Variants in DEUP1 observed in about 807,000 individuals in gnomAD.
The protein encoded by DEUP1 is deuterosome assembly protein 1, also known as coiled-coil domain containing 67.
DEUP1 carries 82 observed loss-of-function variants against 87.4 expected under a neutral mutation model. The ratio of observed to expected loss-of-function variants is 0.94; its 90% confidence interval spans 0.78 to 1.13. The LOEUF is 1.13. DEUP1 is among the 50% of genes most tolerant of loss of function. DEUP1 has a pLI of 0.00. For missense variants in DEUP1, 663 were observed against 681.5 expected (o/e 0.97, Z 0.30); for synonymous variants, 214 against 222.7 (o/e 0.96, Z 0.35).
At chr11:93,399,177 A>G (rs140920651) in intron 11 of DEUP1, among the ~76,000 whole-genome samples, 1,749 of 150,538 alleles carry the variant, frequency 0.012, 22 homozygotes, top group South Asian at 0.077. Context: ...TTCTTGTTAC[A>G]TATATATATA....
intron 2 of DEUP1, among the ~76,000 whole-genome samples, chr11:93,338,833 A>G (rs1943910435): frequency 6.6e-6 from 1 of 152,250 alleles, no homozygotes; most frequent in African/African-American, 2.4e-5. Context: ...AGTTGAATCA[A>G]GAGTTCAGAA....
chr11:93,437,218 A>G (rs1294716596), intron 13 of DEUP1, among the ~76,000 whole-genome samples: 1 of 152,252 alleles, frequency 6.6e-6, no homozygotes, highest in Non-Finnish European at 1.5e-5. Flanking sequence ...TTTTCAAATG[A>G]AAATCATTGG....
chr11:93,379,826 T>C (rs532017360), intron 7 of DEUP1, among the ~76,000 whole-genome samples: 1 of 152,292 alleles, frequency 6.6e-6, no homozygotes, highest in African/African-American at 2.4e-5. Flanking sequence ...TTTTTTCTTA[T>C]GGTATTTATA....
chr11:93,356,072 A>G (rs760901889), intron 3 of DEUP1, among the ~76,000 whole-genome samples: 4 of 119,522 alleles, frequency 3.3e-5, no homozygotes, highest in Admixed American at 8.1e-5. Flanking sequence ...TGGTGGTCAT[A>G]GAAGAATATA....
chr11:93,364,032 A>G (rs1442163073), intron 4 of DEUP1, 128 bp from the exon 5 acceptor site: 2 of 673,542 alleles, frequency 3.0e-6, no homozygotes, highest in Non-Finnish European at 5.0e-6. Flanking sequence ...TAATTGAAAC[A>G]TTTAAGCTTT....
At chr11:93,357,071 C>T in intron 4 of DEUP1, 28 bp downstream of exon 4, 1 of 1,312,242 alleles carries the variant, frequency 7.6e-7, no homozygotes, top group Admixed American at 2.5e-5. Flanking sequence ...AATTTAATAT[C>T]ACACATTTTG....
intron 2 of DEUP1, among the ~76,000 whole-genome samples, chr11:93,333,152 C>G (rs1943574773): frequency 6.6e-6 from 1 of 152,186 alleles, no homozygotes; most frequent in African/African-American, 2.4e-5. Flanking sequence ...CATTTTACAA[C>G]TAAGAAAAGT....
intron 4 of DEUP1, among the ~76,000 whole-genome samples, chr11:93,360,901 T>A (rs1302794203): frequency 2.5e-5 from 1 of 40,552 alleles, no homozygotes; most frequent in Non-Finnish European, 4.3e-5. Context: ...GTTACAAAAC[T>A]TAGCAAAAAA....
chr11:93,378,408 A>G (rs1291488062), intron 7 of DEUP1, among the ~76,000 whole-genome samples: 1 of 151,776 alleles, frequency 6.6e-6, no homozygotes, highest in Non-Finnish European at 1.5e-5. Context: ...GAGACTTTCC[A>G]GTGTATTTTT....
intron 13 of DEUP1, among the ~76,000 whole-genome samples, chr11:93,431,327 T>A (rs1319990207): frequency 6.6e-6 from 1 of 152,008 alleles, no homozygotes; most frequent in Non-Finnish European, 1.5e-5. Context: ...AAGGGAACTA[T>A]AAGGCAGGAA....
At chr11:93,403,216 A>G (rs1354442988) in intron 11 of DEUP1, among the ~76,000 whole-genome samples, 1 of 151,954 alleles carries the variant, frequency 6.6e-6, no homozygotes, top group East Asian at 1.9e-4. Context: ...TTAAGGTTAT[A>G]CTATATTTAT....
chr11:93,427,144 C>T (rs1169508607), intron 13 of DEUP1, among the ~76,000 whole-genome samples: 1 of 149,530 alleles, frequency 6.7e-6, no homozygotes, highest in Admixed American at 6.7e-5. Context: ...CATATGGAAC[C>T]AAAAAAGAGC....
At chr11:93,365,863 G>A (rs1010481935) in intron 5 of DEUP1, among the ~76,000 whole-genome samples, 6 of 152,174 alleles carry the variant, frequency 3.9e-5, no homozygotes, top group Non-Finnish European at 8.8e-5. Flanking sequence ...TTAGTCTGCA[G>A]GTAAACCTGT....
At chr11:93,370,044 A>G in intron 5 of DEUP1, 29 bp from the exon 6 acceptor site, 1 of 1,141,308 alleles carries the variant, frequency 8.8e-7, no homozygotes, top group South Asian at 1.4e-5. Context: ...AACATTTTTA[A>G]ATATGTTTGT....
rs533539415 is a variant in DEUP1 at position 93,365,923 on chromosome 11, T to A, written c.432+1629T>A. On this transcript the variant is annotated intron_variant, in intron 5 of 13. Transcript: ENST00000298050. ...AGTATAGTAATAGCAGTGTACCACA[T>A]GTAGTAGTCAAAGAACATGATCACT... Among the ~76,000 whole-genome samples, 107 of 152,320 alleles carry A rather than the reference T, an allele frequency of 7.0e-4. No individual in the cohort carries two copies. The South Asian group carries it at 0.022, about 32-fold the overall frequency.
intron 12 of DEUP1, among the ~76,000 whole-genome samples, chr11:93,410,219 G>A (rs1309159347): frequency 6.6e-6 from 1 of 152,098 alleles, no homozygotes; most frequent in African/African-American, 2.4e-5. Context: ...CCCTTTTCAG[G>A]TAAAGAAGCG....
At chr11:93,433,857 C>T (rs1948167572) in intron 13 of DEUP1, among the ~76,000 whole-genome samples, 1 of 152,200 alleles carries the variant, frequency 6.6e-6, no homozygotes, top group African/African-American at 2.4e-5. Flanking sequence ...AATTGCACCA[C>T]AGCATTTGTT....
chr11:93,413,496 C>A (rs1947510650), intron 12 of DEUP1, among the ~76,000 whole-genome samples: 1 of 152,184 alleles, frequency 6.6e-6, no homozygotes, highest in South Asian at 2.1e-4. Flanking sequence ...CCTGCCTCAG[C>A]CTCTCAAAGT....
intron 2 of DEUP1, among the ~76,000 whole-genome samples, chr11:93,344,209 T>G (rs1368146446): frequency 6.6e-6 from 1 of 152,158 alleles, no homozygotes; most frequent in African/African-American, 2.4e-5. Context: ...GCTCTAGGAC[T>G]TCTGCTGGGG....
Sources: allele counts gnomAD v4.1 joint callset (sites outside exome capture counted in the v4.1 genomes callset), GRCh38; gene constraint gnomAD v4.1.1; transcripts MANE v1.5; gene names NCBI Gene and HGNC (gene_info 2026-07-23, HGNC 2026-07-21).